EDEM1: variants seen among roughly 807,000 people sequenced by gnomAD.
EDEM1 encodes the protein ER degradation-enhancing alpha-mannosidase-like protein 1.
A neutral mutation model predicts 74.4 loss-of-function variants in EDEM1; 67 were observed. The ratio of observed to expected loss-of-function variants is 0.90; its 90% confidence interval spans 0.74 to 1.10. The LOEUF is 1.10. EDEM1 is among the 50% of genes least tolerant of loss of function. EDEM1 has a pLI of 0.00. For synonymous variants in EDEM1, 382 were observed against 335.9 expected (o/e 1.14, Z -1.50); for missense variants, 926 against 851.6 (o/e 1.09, Z -1.09).
intron 1 of EDEM1, chr3:5,189,557 GAA>G (rs1030493319): frequency 1.3e-5 from 2 of 152,082 alleles, no homozygotes; most frequent in East Asian, 1.9e-4. Flanking sequence ...ATTTTTTTGA[GAA>G]AAAATATTAA....
chr3:5,213,321 G>T lies in EDEM1; in HGVS notation c.1683G>T (p.Leu561=), dbSNP rs1290684960. Residue 561 remains leucine (L), a splice_region_variant and synonymous_variant, in exon 11 of 12, where the codon CTG becomes CTT. Transcript: ENST00000256497. ...LSETCKYLYL[L]FDEDNPVHKS... is the part of the protein sequence containing the mutation. ...ATCTTTTTCTCCGTTCCCTCTAGCTGTTTGATGAAGACAATCCAGTACACA... is the reference window on the plus strand; with the variant it reads ...ATCTTTTTCTCCGTTCCCTCTAGCTTTTTGATGAAGACAATCCAGTACACA... 4 of 1,612,810 alleles carry T rather than the reference G, an allele frequency of 2.5e-6. No homozygotes were observed. Among genetic ancestry groups the T allele is most frequent in the South Asian group, 1.1e-5 (1 of 90,762 alleles).
chr3:5,188,323 C>A lies in EDEM1; in HGVS notation c.509+9C>A. ...CCCGACCGCGGGGACCCGTGAGTAGCCCCCGCCGCCCGGGGCCGCGCGCCC... is the reference window on the plus strand; with the variant it reads ...CCCGACCGCGGGGACCCGTGAGTAGACCCCGCCGCCCGGGGCCGCGCGCCC... On this transcript the variant is annotated intron_variant, in intron 1 of 11. Transcript: ENST00000256497. 1 of 1,453,092 alleles carries A rather than the reference C, an allele frequency of 6.9e-7. No homozygotes were observed. The highest frequency in any genetic ancestry group is 9.1e-7 in the Non-Finnish European group (1 of 1,098,780). The allele number at this position is 1,453,092 out of a possible 1,614,324, so 90.0% of individuals were successfully genotyped here.
At chr3:5,198,053 T>C (rs2054990836) in intron 2 of EDEM1, among the ~76,000 whole-genome samples, 1 of 142,500 alleles carries the variant, frequency 7.0e-6, no homozygotes. Flanking sequence ...TTTTTTTGTC[T>C]TTTTTTTTTG....
chr3:5,210,153 C>T (rs778502254), intron 8 of EDEM1, 22 bp from the exon 9 acceptor site: 1 of 1,606,400 alleles, frequency 6.2e-7, no homozygotes, highest in Non-Finnish European at 8.5e-7. Flanking sequence ...TGCTGGATCA[C>T]ATTCTCTCGT....
In EDEM1 at chr3:5,208,271, AGTTGT is replaced by A; in HGVS notation, c.1509+12_1509+16del. 6.3e-7 allele frequency: 1 copy of A among 1,595,918 alleles called. No individual in the cohort carries two copies. On this transcript the variant is annotated intron_variant, in intron 8 of 11. Coordinates refer to ENST00000256497, the MANE Select transcript of EDEM1 (RefSeq NM_014674.3). Reference sequence around the variant, plus strand: ...ACATATCTCCTCTACCAGGTACTAGAGTTGTGTTTTTTTTTTTTTCCTTTCACTGC... The same window carrying A: ...ACATATCTCCTCTACCAGGTACTAGAGTTTTTTTTTTTTTCCTTTCACTGC...
intron 10 of EDEM1, 74 bp from the exon 11 acceptor site, chr3:5,213,245 T>C (rs2055188879): frequency 7.0e-7 from 1 of 1,431,660 alleles, no homozygotes; most frequent in Non-Finnish European, 9.5e-7. Flanking sequence ...CCTGAGTAGC[T>C]GGGACACGCC....
chr3:5,201,314 C>T (rs370740413), intron 3 of EDEM1, among the ~76,000 whole-genome samples: 2 of 151,808 alleles, frequency 1.3e-5, no homozygotes, highest in African/African-American at 4.8e-5. Context: ...CCACTACATG[C>T]GGCTAATTTT....
chr3:5,192,737 G>T (rs1057092810), intron 1 of EDEM1, among the ~76,000 whole-genome samples: 1 of 151,176 alleles, frequency 6.6e-6, no homozygotes, highest in African/African-American at 2.4e-5. Context: ...GTTTTATGGT[G>T]TTTTTTTTTC....
intron 11 of EDEM1, among the ~76,000 whole-genome samples, 183 bp downstream of exon 11, chr3:5,213,705 C>T (rs2055196116): frequency 6.6e-6 from 1 of 152,190 alleles, no homozygotes; most frequent in Admixed American, 6.5e-5. Flanking sequence ...GCAGGAGCAG[C>T]GGTGGCATCA....
rs149884266 is a variant in EDEM1 at position 5,199,783 on chromosome 3, A to G, written c.686+88A>G. 3.0e-4 allele frequency: 328 copies of G among 1,092,900 alleles called. 1 individual carries two copies. In the African/African-American group the frequency reaches 4.8e-3, roughly 16 times the overall value. 67.7% of individuals were successfully genotyped at this position (1,092,900 alleles called of 1,614,324 possible). ...ATACCTTTGAGGGTCTTTTTGCCAC[A>G]TGATCCAGGCAGGGAGTCCATATGG... is the stretch of plus-strand genomic sequence containing the variant. On this transcript the variant is annotated intron_variant, in intron 3 of 11. Transcript: ENST00000256497.
chr3:5,208,631 G>T (rs187620132), intron 8 of EDEM1, among the ~76,000 whole-genome samples: 2 of 152,120 alleles, frequency 1.3e-5, no homozygotes, highest in East Asian at 3.9e-4. Context: ...GTGTACTGTG[G>T]AGCCCCGGTC....
intron 8 of EDEM1, among the ~76,000 whole-genome samples, chr3:5,209,969 C>G (rs2055148726): frequency 6.6e-6 from 1 of 152,192 alleles, no homozygotes; most frequent in East Asian, 1.9e-4. Context: ...TAAAGTTAAC[C>G]AAATCACAGG....
At chr3:5,202,016 T>C (rs2106596703) in intron 4 of EDEM1, 92 bp downstream of exon 4, 1 of 1,449,764 alleles carries the variant, frequency 6.9e-7, no homozygotes, top group East Asian at 2.3e-5. Flanking sequence ...GGAGAAGGAA[T>C]GGGATGGAGG....
intron 1 of EDEM1, among the ~76,000 whole-genome samples, chr3:5,193,878 G>A (rs1019827941): frequency 2.0e-5 from 3 of 152,356 alleles, no homozygotes; most frequent in Admixed American, 6.5e-5. Context: ...GATTACAGGC[G>A]TGAGCCACCG....
rs2055011919 is a variant in EDEM1 at position 5,199,695 on chromosome 3, G to A, written c.686G>A (p.Arg229Lys). The change falls in exon 3 of 12, where the codon AGG (arginine) becomes AAG (lysine). Residue 229 changes from arginine (R) to lysine (K), a missense_variant and splice_region_variant. By Grantham distance (26) the Arg-to-Lys change is conservative. Coordinates refer to ENST00000256497, the MANE Select transcript of EDEM1 (RefSeq NM_014674.3). ...STVQVFEATI[R>K]VLGSLLSAHR... is the part of the protein sequence containing the mutation. ...GTCCAAGTCTTTGAGGCCACGATAA[G>A]GTAAAATAATGAATATTCATAAAAT... 6.2e-7 allele frequency: 1 copy of A among 1,607,508 alleles called. No homozygotes were observed. The highest frequency in any genetic ancestry group is 1.7e-5 in the Admixed American group (1 of 58,536).
intron 10 of EDEM1, 32 bp downstream of exon 10, chr3:5,211,248 T>C: frequency 6.3e-7 from 1 of 1,593,772 alleles, no homozygotes. Flanking sequence ...CCCAGGAATA[T>C]TTAGTATTGC....
In EDEM1 at chr3:5,189,072, C is replaced by T. The variant is rs377207824; in HGVS notation, c.509+758C>T. Among the ~76,000 whole-genome samples, 169 of 152,348 alleles carry T rather than the reference C, an allele frequency of 1.1e-3. 2 individuals carry two copies. The South Asian group carries it at 0.017, about 15-fold the overall frequency. Reference sequence around the variant, plus strand: ...CAGGCAGTCTTCCCTGTTCACCAGCCTTGTTTGCAAAGGCTGAGCTCCAAG... The same window carrying T: ...CAGGCAGTCTTCCCTGTTCACCAGCTTTGTTTGCAAAGGCTGAGCTCCAAG... On this transcript the variant is annotated intron_variant, in intron 1 of 11. Transcript: ENST00000256497.
rs765123865 is a variant in EDEM1, at chr3:5,188,155, G to A, written c.350G>A (p.Arg117His). 2 of 1,542,766 alleles carry A rather than the reference G, an allele frequency of 1.3e-6. No homozygotes were observed. The highest frequency in any genetic ancestry group is 1.2e-5 in the South Asian group (1 of 82,934). The change falls in exon 1 of 12, where the codon CGC (arginine) becomes CAC (histidine). Residue 117 changes from arginine to histidine, a missense_variant. Physicochemically the swap from Arg to His is conservative, Grantham distance 29. Coordinates refer to ENST00000256497, the MANE Select transcript of EDEM1 (RefSeq NM_014674.3). ...CGCGGCCCGGACGAGTACGAGAAGC[G>A]CTACAGCGGCGCCTTCCCTCCGCAG... is the stretch of plus-strand genomic sequence containing the variant. ...RGRGPDEYEKRYSGAFPPQLR... is the reference protein window; with the variant it reads ...RGRGPDEYEKHYSGAFPPQLR...
intron 10 of EDEM1, among the ~76,000 whole-genome samples, chr3:5,212,978 C>T (rs2055185655): frequency 6.6e-6 from 1 of 152,212 alleles, no homozygotes; most frequent in Non-Finnish European, 1.5e-5. Context: ...AGAATTCCAG[C>T]AGGAGAACTC....
Sources: gnomAD v4.1 joint callset for allele counts (sites outside exome capture counted in the v4.1 genomes callset) on GRCh38, gnomAD v4.1.1 for gene constraint, MANE v1.5 for transcripts, NCBI Gene and HGNC (gene_info 2026-07-23, HGNC 2026-07-21) for gene names.